Variants in ATXN10 observed in about 807,000 individuals in gnomAD.
The protein encoded by ATXN10 is ataxin-10.
ATXN10 carries 28 observed loss-of-function variants against 52.9 expected under a neutral mutation model. That is an observed-to-expected ratio of 0.53 (90% CI 0.39 to 0.73). The LOEUF (loss-of-function observed/expected upper bound fraction) is 0.73. Ranked by LOEUF, ATXN10 falls within the 30% of genes least tolerant of loss-of-function variation. The pLI, the probability that ATXN10 is intolerant of heterozygous loss-of-function variation, is 0.00. For synonymous variants in ATXN10, 226 were observed against 221.5 expected (o/e 1.02, Z -0.18); for missense variants, 565 against 577.0 (o/e 0.98, Z 0.21).
intron 2 of ATXN10, among the ~76,000 whole-genome samples, chr22:45,691,810 T>C (rs906537353): frequency 1.4e-4 from 22 of 152,186 alleles, no homozygotes; most frequent in African/African-American, 5.3e-4. Context: ...GGAGAATCAC[T>C]TGAACGGGGA....
At chr22:45,803,257 T>G (rs1338213864) in intron 9 of ATXN10, among the ~76,000 whole-genome samples, 1 of 152,188 alleles carries the variant, frequency 6.6e-6, no homozygotes, top group Non-Finnish European at 1.5e-5. Context: ...GGCTCCACAG[T>G]GGCCACTCTT....
rs1928565262 is a variant in ATXN10 at position 45,819,190 on chromosome 22, GAAAATAGAATAGAAT to G, written c.1237+12170_1237+12184del. ...TCTCTGTAGTATGAAGAATAGAATA[GAAAATAGAATAGAAT>G]AGAATAGAATAGAATAGAATAGAAT... On this transcript the variant is annotated intron_variant, in intron 10 of 11. Coordinates refer to ENST00000252934, the MANE Select transcript of ATXN10 (RefSeq NM_013236.4). The surrounding 1 kb of genome is among the most constrained non-coding windows in gnomAD (Gnocchi z 4.5). Among the ~76,000 whole-genome samples the G allele has an allele frequency of 7.7e-6, 1 of 129,922 alleles. No homozygotes were observed. The highest frequency in any genetic ancestry group is 1.7e-5 in the Non-Finnish European group (1 of 60,420). 85.2% of individuals were successfully genotyped at this position (129,922 alleles called of 152,430 possible).
intron 9 of ATXN10, among the ~76,000 whole-genome samples, chr22:45,773,254 C>G (rs143152159): frequency 0.012 from 1,769 of 152,272 alleles, 13 homozygotes; most frequent in Middle Eastern, 0.034. Flanking sequence ...CTGGGATTCT[C>G]TACATAAACA....
At chr22:45,748,886 C>G (rs1925838423) in intron 9 of ATXN10, among the ~76,000 whole-genome samples, 1 of 151,950 alleles carries the variant, frequency 6.6e-6, no homozygotes, top group African/African-American at 2.4e-5. Context: ...TAGAGGAAAC[C>G]TATCATGGTT....
intron 3 of ATXN10, among the ~76,000 whole-genome samples, chr22:45,697,387 G>A (rs1923653411): frequency 6.6e-6 from 1 of 151,994 alleles, no homozygotes; most frequent in Non-Finnish European, 1.5e-5. Flanking sequence ...CACCCACCTC[G>A]GCCTCCGAAA....
intron 9 of ATXN10, among the ~76,000 whole-genome samples, chr22:45,779,721 A>C (rs571664317): frequency 5.9e-5 from 9 of 152,234 alleles, no homozygotes; most frequent in Non-Finnish European, 1.2e-4. Context: ...ATTGCCTTGC[A>C]TGGTTACAGA....
In ATXN10 at chr22:45,784,469, C is replaced by G. The variant is rs147681703; in HGVS notation, c.1174-22490C>G. Among the ~76,000 whole-genome samples, 146 of 152,296 alleles carry G rather than the reference C, an allele frequency of 9.6e-4. No homozygotes were observed. The highest frequency in any genetic ancestry group is 3.3e-3 in the African/African-American group (138 of 41,562). On this transcript the variant is annotated intron_variant, in intron 9 of 11. Transcript: ENST00000252934. This position sits in a 1 kb window ranked among gnomAD's most constrained non-coding sequence, Gnocchi z 4.2. ...ATCTTGATTCGTAAGACATAGTCCC[C>G]TAATTGTAATCTGCACCCCGAGTGT...
chr22:45,824,740 G>A lies in ATXN10; in HGVS notation c.1237+17718G>A, dbSNP rs1051524780. 1.3e-5 allele frequency among the ~76,000 whole-genome samples: 2 copies of A among 152,180 alleles called. No individual in the cohort carries two copies. The highest frequency in any genetic ancestry group is 6.5e-5 in the Admixed American group (1 of 15,282). On this transcript the variant is annotated intron_variant, in intron 10 of 11. Transcript: ENST00000252934. This position sits in a 1 kb window ranked among gnomAD's most constrained non-coding sequence, Gnocchi z 5.2. Reference sequence around the variant, plus strand: ...TGATAGAGGTTTTTATCTATGGACCGAGGTGATGTGATCTAGCTTTTTCTG... The same window carrying A: ...TGATAGAGGTTTTTATCTATGGACCAAGGTGATGTGATCTAGCTTTTTCTG...
intron 7 of ATXN10, 182 bp downstream of exon 7, chr22:45,729,772 T>G: frequency 1.4e-6 from 1 of 735,600 alleles, no homozygotes; most frequent in Non-Finnish European, 2.3e-6. Flanking sequence ...ATTCCTACCA[T>G]CCAGAGTCAA....
chr22:45,771,102 C>G (rs143779149), intron 9 of ATXN10, among the ~76,000 whole-genome samples: 25 of 152,254 alleles, frequency 1.6e-4, no homozygotes, highest in African/African-American at 5.8e-4. Flanking sequence ...AAGTATTTAC[C>G]CTGGAAAAGT....
At position 45,751,763 on chromosome 22, in the gene ATXN10, A is replaced by AAAAAAAAAAAATAAT; in HGVS notation, c.1173+11227_1173+11228insAAAAAAAAATAATAA. 1.9e-3 allele frequency among the ~76,000 whole-genome samples: 127 copies of AAAAAAAAAAAATAAT among 66,576 alleles called. 4 individuals are homozygous for AAAAAAAAAAAATAAT. Among genetic ancestry groups the AAAAAAAAAAAATAAT allele is most frequent in the Non-Finnish European group, 3.2e-3 (110 of 33,992 alleles). The allele number at this position is 66,576 out of a possible 152,430, so 43.7% of individuals were successfully genotyped here. On this transcript the variant is annotated intron_variant, in intron 9 of 11. Coordinates refer to ENST00000252934, the MANE Select transcript of ATXN10 (RefSeq NM_013236.4). Reference sequence around the variant, plus strand: ...TGGAAAAAAAAAAAAAATAAAAAAAAAATAATAATAATAATAATAATAATA... The same window carrying AAAAAAAAAAAATAAT: ...TGGAAAAAAAAAAAAAATAAAAAAAAAAAAAAAAAAATAATAATAATAATAATAATAATAATAATA...
intron 1 of ATXN10, chr22:45,679,349 G>A (rs914971287): frequency 4.6e-5 from 7 of 152,198 alleles, no homozygotes; most frequent in African/African-American, 1.4e-4. Context: ...ATTAGGAGGG[G>A]ACAGGAAACG....
At position 45,819,754 on chromosome 22, in the gene ATXN10, C is replaced by T. The variant is rs1418792723; in HGVS notation, c.1237+12732C>T. Reference sequence around the variant, plus strand: ...TTTTCTTATGAAGTTAATTATTTGCCAATTTTTCTTTTTGCATTAGATTAA... The same window carrying T: ...TTTTCTTATGAAGTTAATTATTTGCTAATTTTTCTTTTTGCATTAGATTAA... On this transcript the variant is annotated intron_variant, in intron 10 of 11. Transcript: ENST00000252934. The surrounding 1 kb of genome is among the most constrained non-coding windows in gnomAD (Gnocchi z 4.5). Among the ~76,000 whole-genome samples the T allele has an allele frequency of 1.3e-5, 2 of 152,080 alleles. No individual in the cohort carries two copies. Among genetic ancestry groups the T allele is most frequent in the Non-Finnish European group, 2.9e-5 (2 of 68,032 alleles).
chr22:45,809,497 T>A (rs556017546), intron 10 of ATXN10, among the ~76,000 whole-genome samples: 2 of 152,340 alleles, frequency 1.3e-5, no homozygotes, highest in Admixed American at 6.5e-5. Flanking sequence ...CTAAATAATA[T>A]GCTTTATTGC....
rs771645814 is a variant in ATXN10 at position 45,835,997 on chromosome 22, T to TGAA, written c.1238-6992_1238-6990dup. 1.3e-5 allele frequency among the ~76,000 whole-genome samples: 2 copies of TGAA among 152,304 alleles called. No homozygotes were observed. Among genetic ancestry groups the TGAA allele is most frequent in the Non-Finnish European group, 2.9e-5 (2 of 68,012 alleles). On this transcript the variant is annotated intron_variant, in intron 10 of 11. Coordinates refer to ENST00000252934, the MANE Select transcript of ATXN10 (RefSeq NM_013236.4). The surrounding 1 kb of genome is among the most constrained non-coding windows in gnomAD (Gnocchi z 5.0). ...ACATACAGCATTGCATGGAAACCTT[T>TGAA]GAAGCACAGATGTTCTGTCGTATTA... is the stretch of plus-strand genomic sequence containing the variant.
chr22:45,699,490 CTTTT>C (rs917191404), intron 3 of ATXN10, among the ~76,000 whole-genome samples: 2 of 117,274 alleles, frequency 1.7e-5, no homozygotes, highest in African/African-American at 3.3e-5. Context: ...TTTTTCTTTC[CTTTT>C]TTTTTTTTTT....
At chr22:45,740,575 G>T (rs1478255695) in intron 9 of ATXN10, 37 bp downstream of exon 9, 1 of 1,593,078 alleles carries the variant, frequency 6.3e-7, no homozygotes, top group African/African-American at 1.3e-5. Flanking sequence ...TACATGTATG[G>T]CTTCATTTAG....
In ATXN10 at chr22:45,750,213, G is replaced by A. The variant is rs1925896251; in HGVS notation, c.1173+9675G>A. Among the ~76,000 whole-genome samples, 1 of 152,106 alleles carries A rather than the reference G, an allele frequency of 6.6e-6. No individual in the cohort carries two copies. The highest frequency in any genetic ancestry group is 2.1e-4 in the South Asian group (1 of 4,820). ...GTGCTCAAGTGATCCTCCCGCCTCA[G>A]CCACCCAAGTAGCTGGTACTAGAGG... is the stretch of plus-strand genomic sequence containing the variant. On this transcript the variant is annotated intron_variant, in intron 9 of 11. Transcript: ENST00000252934. This position sits in a 1 kb window ranked among gnomAD's most constrained non-coding sequence, Gnocchi z 4.2.
intron 9 of ATXN10, among the ~76,000 whole-genome samples, chr22:45,804,971 G>A (rs760816486): frequency 1.1e-4 from 16 of 152,038 alleles, no homozygotes; most frequent in Non-Finnish European, 1.5e-4. Context: ...ATCTCCTGGC[G>A]ATCCTCCCGC....
Sources: gnomAD v4.1 joint callset for allele counts (sites outside exome capture counted in the v4.1 genomes callset) on GRCh38, gnomAD v4.1.1 for gene constraint, Gnocchi (gnomAD v3.1) non-coding constraint, MANE v1.5 for transcripts, NCBI Gene and HGNC (gene_info 2026-07-23, HGNC 2026-07-21) for gene names.